TPST1: variants seen among roughly 807,000 people sequenced by gnomAD.
TPST1 encodes the protein protein-tyrosine sulfotransferase 1.
TPST1 carries 20 observed loss-of-function variants against 34.8 expected under a neutral mutation model. The ratio of observed to expected loss-of-function variants is 0.57; its 90% CI spans 0.40 to 0.84. The LOEUF (loss-of-function observed/expected upper bound fraction) is 0.84, where lower values mean the gene tolerates loss of function less well. Ranked by LOEUF, TPST1 falls within the 40% of genes least tolerant of loss-of-function variation. The pLI is 0.00. For missense variants in TPST1, 353 were observed against 455.5 expected (o/e 0.78, Z 2.05); for synonymous variants, 152 against 159.4 (o/e 0.95, Z 0.35).
chr7:66,257,624 A>G lies in TPST1; in HGVS notation c.845+16354A>G, dbSNP rs138430224. ...CCAGCCTGGCAGTGTTGCTGCTGAT[A>G]TAATTTTCTCAAAAACTTTGTCAGT... is the stretch of plus-strand genomic sequence containing the variant. On this transcript the variant is annotated intron_variant, in intron 2 of 5. Coordinates refer to ENST00000304842, the MANE Select transcript of TPST1 (RefSeq NM_003596.4). 9.8e-3 allele frequency among the ~76,000 whole-genome samples: 1,497 copies of G among 152,302 alleles called. 12 individuals carry two copies. The highest frequency in any genetic ancestry group is 0.016 in the Non-Finnish European group (1,099 of 68,038).
chr7:66,349,433 G>T (rs540231326), intron 3 of TPST1, among the ~76,000 whole-genome samples: 13 of 152,152 alleles, frequency 8.5e-5, no homozygotes, highest in Non-Finnish European at 1.9e-4. Flanking sequence ...GTAGCCAGGC[G>T]TGGTGGTGCA....
chr7:66,208,139 C>T (rs907123020), intron 1 of TPST1, among the ~76,000 whole-genome samples: 1 of 152,128 alleles, frequency 6.6e-6, no homozygotes, highest in African/African-American at 2.4e-5. Flanking sequence ...TTTAAAAATT[C>T]TCATCAGCTC....
At chr7:66,349,500 A>T (rs1792425732) in intron 3 of TPST1, among the ~76,000 whole-genome samples, 1 of 152,124 alleles carries the variant, frequency 6.6e-6, no homozygotes, top group Non-Finnish European at 1.5e-5. Context: ...TGAACCTGGG[A>T]GGCAGAGGTT....
intron 3 of TPST1, among the ~76,000 whole-genome samples, chr7:66,337,493 G>A (rs547562241): frequency 1.3e-5 from 2 of 151,948 alleles, no homozygotes; most frequent in East Asian, 1.9e-4. Flanking sequence ...ATTTTTAGTA[G>A]AGACAGTATT....
At chr7:66,359,397 CAT>C (rs35113195) in intron 5 of TPST1, 38,972 of 135,700 alleles carry the variant, frequency 0.29, 6,579 homozygotes, top group South Asian at 0.45. Context: ...CATTTCTTCA[CAT>C]GAGGAGGAAT....
intron 2 of TPST1, among the ~76,000 whole-genome samples, chr7:66,276,423 G>A (rs985943898): frequency 6.7e-5 from 8 of 118,924 alleles, no homozygotes; most frequent in African/African-American, 2.9e-4. Flanking sequence ...TCCCAGGCTG[G>A]AGTGCAGTGG....
chr7:66,352,940 GC>G (rs1792511275), intron 4 of TPST1: 1 of 985,226 alleles, frequency 1.0e-6, no homozygotes, highest in Admixed American at 6.2e-5. Context: ...GTACATCCTT[GC>G]CCCTTTGACT....
In TPST1 at chr7:66,265,549, C is replaced by CA. The variant is rs61289876; in HGVS notation, c.846-20948dup. ...TGGACGACAGTGTGGAACCCTGTCT[C>CA]AAAAAAAAAAAAAAGAAAAAAGAAA... On this transcript the variant is annotated intron_variant, in intron 2 of 5. Transcript: ENST00000304842. Among the ~76,000 whole-genome samples, 150 of 129,218 alleles carry CA rather than the reference C, an allele frequency of 1.2e-3. 1 individual carries two copies. Among genetic ancestry groups the CA allele is most frequent in the East Asian group, 5.5e-3 (25 of 4,506 alleles). 84.8% of individuals were successfully genotyped at this position (129,218 alleles called of 152,430 possible). A position where few individuals can be genotyped will look rare whatever the true frequency, so the allele number is the denominator to read the frequency against.
Position 66,286,657 on chromosome 7 carries a change from A to C in TPST1, c.992A>C (p.Asn331Thr). 6.3e-7 allele frequency: 1 copy of C among 1,598,340 alleles called. No homozygotes were observed. The highest frequency in any genetic ancestry group is 8.5e-7 in the Non-Finnish European group (1 of 1,171,274). ...AAGCTTGGATATGACCCATATGCCA[A>C]CCCACCTAACTACGGAAAACCTGAT... ...LAKLGYDPYA[N>T]PPNYGKPDPK... The change falls in exon 3 of 6, where the codon AAC (asparagine) becomes ACC (threonine). Residue 331 changes from asparagine (N) to threonine (T), a missense_variant. Physicochemically the swap from Asn to Thr is moderately conservative, Grantham distance 65 (BLOSUM62 0). Coordinates refer to ENST00000304842, the MANE Select transcript of TPST1 (RefSeq NM_003596.4).
At chr7:66,295,638 A>G (rs1332543436) in intron 3 of TPST1, among the ~76,000 whole-genome samples, 1 of 152,124 alleles carries the variant, frequency 6.6e-6, no homozygotes, top group Non-Finnish European at 1.5e-5. Context: ...AGCTATATGT[A>G]TATATTCTTT....
At chr7:66,283,541 C>A (rs944598048) in intron 2 of TPST1, among the ~76,000 whole-genome samples, 2 of 152,092 alleles carry the variant, frequency 1.3e-5, no homozygotes, top group Non-Finnish European at 2.9e-5. Context: ...TGGCTGTGTT[C>A]CAGTAAACTT....
At chr7:66,320,712 C>T (rs192765938) in intron 3 of TPST1, among the ~76,000 whole-genome samples, 12 of 152,130 alleles carry the variant, frequency 7.9e-5, no homozygotes, top group African/African-American at 2.6e-4. Context: ...GATTCTCCTG[C>T]CTCAGCCTCC....
chr7:66,313,792 C>G (rs897919982), intron 3 of TPST1, among the ~76,000 whole-genome samples: 1 of 152,060 alleles, frequency 6.6e-6, no homozygotes, highest in Non-Finnish European at 1.5e-5. Flanking sequence ...TCTTCTCTCT[C>G]TTTCTCTCTC....
At chr7:66,314,104 T>C (rs751620095) in intron 3 of TPST1, among the ~76,000 whole-genome samples, 1 of 152,208 alleles carries the variant, frequency 6.6e-6, no homozygotes, top group Non-Finnish European at 1.5e-5. Context: ...AATTGTGTGG[T>C]TTCATTCTCA....
At chr7:66,339,781 C>G (rs1792196237) in intron 3 of TPST1, among the ~76,000 whole-genome samples, 1 of 144,524 alleles carries the variant, frequency 6.9e-6, no homozygotes, top group Non-Finnish European at 1.5e-5. Context: ...CACCAAGCCT[C>G]TGTGACACAC....
At chr7:66,251,625 G>A (rs145069546) in intron 2 of TPST1, among the ~76,000 whole-genome samples, 1 of 152,212 alleles carries the variant, frequency 6.6e-6, no homozygotes, top group Non-Finnish European at 1.5e-5. Flanking sequence ...AACATGGCAG[G>A]TTGGGAATGC....
chr7:66,357,077 C>T (rs975523179), intron 5 of TPST1, among the ~76,000 whole-genome samples: 37 of 152,334 alleles, frequency 2.4e-4, no homozygotes, highest in African/African-American at 8.4e-4. Flanking sequence ...ATAATATTAA[C>T]AAGAGCATGG....
chr7:66,304,216 G>A (rs181200965), intron 3 of TPST1, among the ~76,000 whole-genome samples: 1 of 152,322 alleles, frequency 6.6e-6, no homozygotes, highest in Non-Finnish European at 1.5e-5. Flanking sequence ...TGGAAGACCA[G>A]AGGAATAGGC....
intron 3 of TPST1, among the ~76,000 whole-genome samples, chr7:66,336,249 G>C (rs1189003777): frequency 6.6e-6 from 1 of 151,906 alleles, no homozygotes; most frequent in Admixed American, 6.6e-5. Context: ...GGCGGAGCTT[G>C]CAGTGAGCTG....
Sources: gnomAD v4.1 joint callset for allele counts (sites outside exome capture counted in the v4.1 genomes callset) on GRCh38, gnomAD v4.1.1 for gene constraint, MANE v1.5 for transcripts, NCBI Gene and HGNC (gene_info 2026-07-23, HGNC 2026-07-21) for gene names.